BRD7: variants seen among roughly 807,000 people sequenced by gnomAD.
BRD7 encodes bromodomain containing 7, also known as bromodomain-containing protein 7.
In BRD7, 15 loss-of-function variants were observed where a neutral mutation model predicts 82.1. That is an observed-to-expected ratio of 0.18 (90% CI 0.12 to 0.28). The LOEUF (loss-of-function observed/expected upper bound fraction) is 0.28. BRD7 is among the 10% of genes least tolerant of loss of function. BRD7 has a pLI of 1.00. For missense variants in BRD7, 638 were observed against 779.9 expected, an observed-to-expected ratio of 0.82 and a Z score of 2.17; for synonymous variants, 232 against 266.9, an observed-to-expected ratio of 0.87 and a Z score of 1.27.
At position 50,323,613 on chromosome 16, in the gene BRD7, A is replaced by G; in HGVS notation, c.1417T>C (p.Ser473Pro). 6.2e-7 allele frequency: 1 copy of G among 1,613,536 alleles called. No homozygotes were observed. Among genetic ancestry groups the G allele is most frequent in the Non-Finnish European group, 8.5e-7 (1 of 1,179,522 alleles). ...LLDVLTKGGH[S>P]RTLQEMEMSL... ...ATCTCCATCTCTTGTAGGGTCCTGG[A>G]ATGCCCTCCTTTTGTTAAAACATCC... is the stretch of plus-strand genomic sequence containing the variant. The change falls in exon 12 of 17, where the codon TCC (serine) becomes CCC (proline). Residue 473 changes from serine (S) to proline (P), a missense_variant. By Grantham distance (74) the Ser-to-Pro change is moderately conservative. Transcript: ENST00000394688.
chr16:50,354,115 T>A (rs1457854192), intron 4 of BRD7, among the ~76,000 whole-genome samples: 6 of 152,216 alleles, frequency 3.9e-5, no homozygotes, highest in Admixed American at 3.3e-4. Context: ...GGTATTTCCA[T>A]CTATTAGCAA....
intron 6 of BRD7, among the ~76,000 whole-genome samples, chr16:50,336,973 C>T (rs545189584): frequency 1.3e-5 from 2 of 152,122 alleles, no homozygotes; most frequent in Non-Finnish European, 1.5e-5. Flanking sequence ...ATATAGCTAA[C>T]ATTTACTTAG....
At chr16:50,326,690 T>G (rs980187410) in intron 9 of BRD7, among the ~76,000 whole-genome samples, 2 of 152,190 alleles carry the variant, frequency 1.3e-5, no homozygotes, top group Non-Finnish European at 2.9e-5. Flanking sequence ...CAAAAACTTT[T>G]AAAAGCTGGG....
chr16:50,362,410 A>G (rs1254553415), intron 2 of BRD7, among the ~76,000 whole-genome samples: 4 of 152,242 alleles, frequency 2.6e-5, no homozygotes, highest in Non-Finnish European at 5.9e-5. Flanking sequence ...TCATTAATAA[A>G]AGAGGAGATA....
At chr16:50,330,019 G>A (rs1459565615) in intron 8 of BRD7, among the ~76,000 whole-genome samples, 2 of 152,164 alleles carry the variant, frequency 1.3e-5, no homozygotes, top group Non-Finnish European at 2.9e-5. Flanking sequence ...GGCAGCTTGT[G>A]ATCTCTTGAG....
intron 2 of BRD7, among the ~76,000 whole-genome samples, chr16:50,366,378 T>C (rs1465865767): frequency 6.6e-6 from 1 of 152,082 alleles, no homozygotes; most frequent in Non-Finnish European, 1.5e-5. Flanking sequence ...AAGATAAATG[T>C]CTCCAGAGGA....
chr16:50,343,126 TTC>T (rs2038138627), intron 5 of BRD7, among the ~76,000 whole-genome samples: 2 of 152,250 alleles, frequency 1.3e-5, no homozygotes, highest in Admixed American at 6.5e-5. Flanking sequence ...TCTTTAGTAT[TTC>T]TGGACAAGCC....
At chr16:50,340,797 G>C (rs1298289143) in intron 5 of BRD7, among the ~76,000 whole-genome samples, 11 of 152,192 alleles carry the variant, frequency 7.2e-5, no homozygotes, top group Admixed American at 5.9e-4. Flanking sequence ...CTATGTGCTG[G>C]AGAACTTGAC....
intron 2 of BRD7, among the ~76,000 whole-genome samples, chr16:50,356,476 C>T (rs1478701069): frequency 6.6e-6 from 1 of 152,130 alleles, no homozygotes. Context: ...ATTGTATCAA[C>T]ATGGATAACA....
chr16:50,331,590 C>T (rs1033244255), intron 8 of BRD7, among the ~76,000 whole-genome samples: 1 of 152,084 alleles, frequency 6.6e-6, no homozygotes, highest in African/African-American at 2.4e-5. Flanking sequence ...TACTTTCAGC[C>T]ACTTGGAAGG....
At chr16:50,333,443 C>T in intron 8 of BRD7, 131 bp downstream of exon 8, 1 of 1,158,850 alleles carries the variant, frequency 8.6e-7, no homozygotes, top group South Asian at 1.9e-5. Context: ...AATTGTTTTT[C>T]TGCTAAGTAT....
chr16:50,331,459 T>C (rs1211663383), intron 8 of BRD7, among the ~76,000 whole-genome samples: 1 of 152,242 alleles, frequency 6.6e-6, no homozygotes, highest in Non-Finnish European at 1.5e-5. Flanking sequence ...CCTAGCACTT[T>C]GGGAGGCTGA....
chr16:50,335,623 G>C (rs975052063), intron 6 of BRD7, among the ~76,000 whole-genome samples: 2 of 152,186 alleles, frequency 1.3e-5, no homozygotes, highest in Non-Finnish European at 2.9e-5. Context: ...GGGTAAAATA[G>C]AGTGCAACCT....
At chr16:50,364,745 G>A (rs2039073331) in intron 2 of BRD7, among the ~76,000 whole-genome samples, 1 of 152,146 alleles carries the variant, frequency 6.6e-6, no homozygotes, top group Non-Finnish European at 1.5e-5. Context: ...GCTCACTGCA[G>A]TATTACATGT....
In BRD7 at chr16:50,354,867, A is replaced by C; in HGVS notation, c.314T>G (p.Leu105Arg). ...TAATCTCACAGGGGCGTGACACTGGAGATCTTTTTCTGCCTCATTCTCCAC... is the reference window on the plus strand; with the variant it reads ...TAATCTCACAGGGGCGTGACACTGGCGATCTTTTTCTGCCTCATTCTCCAC... Reference protein sequence around the residue: ...DRVENEAEKDLQCHAPVRLDL... With the variant: ...DRVENEAEKDRQCHAPVRLDL... The change falls in exon 3 of 17, where the codon CTC becomes CGC. Residue 105 changes from leucine to arginine, a missense_variant. By Grantham distance (102) the Leu-to-Arg change is moderately radical. This residue lies in a region of BRD7 where 172 missense variants were observed against 155.3 expected (regional missense o/e 1.11). Coordinates refer to ENST00000394688, the MANE Select transcript of BRD7 (RefSeq NM_013263.5). 1 of 1,613,626 alleles carries C rather than the reference A, an allele frequency of 6.2e-7. No homozygotes were observed. The highest frequency in any genetic ancestry group is 1.1e-5 in the South Asian group (1 of 91,062).
At chr16:50,320,545 C>A in intron 14 of BRD7, 118 bp downstream of exon 14, 1 of 1,407,250 alleles carries the variant, frequency 7.1e-7, no homozygotes, top group Non-Finnish European at 1.0e-6. Context: ...ATTCATTTAA[C>A]TTGGTAAGCC....
intron 5 of BRD7, among the ~76,000 whole-genome samples, chr16:50,345,025 A>C (rs1479431196): frequency 6.6e-6 from 1 of 152,208 alleles, no homozygotes; most frequent in Non-Finnish European, 1.5e-5. Flanking sequence ...GAGAAAGGTC[A>C]GGTTACCCAC....
intron 6 of BRD7, among the ~76,000 whole-genome samples, chr16:50,337,256 C>CTTTTTTTTTTTTTT (rs71138063): frequency 1.1e-5 from 1 of 93,254 alleles, no homozygotes; most frequent in Non-Finnish European, 2.0e-5. Flanking sequence ...GTTCATTCTT[C>CTTTTTTTTTTTTTT]TTTTTTTTTT....
At chr16:50,329,554 C>T (rs2037471773) in intron 8 of BRD7, among the ~76,000 whole-genome samples, 1 of 152,204 alleles carries the variant, frequency 6.6e-6, no homozygotes, top group African/African-American at 2.4e-5. Context: ...CAGGTGGCAG[C>T]CACTTCCTCG....
Sources: gnomAD v4.1 joint callset for allele counts (sites outside exome capture counted in the v4.1 genomes callset) on GRCh38, gnomAD v4.1.1 for gene constraint, gnomAD v4.1.1 regional missense constraint, MANE v1.5 for transcripts, NCBI Gene and HGNC (gene_info 2026-07-23, HGNC 2026-07-21) for gene names.